The following EDA2R variants were observed in gnomAD, a reference collection of about 807,000 sequenced individuals.
EDA2R encodes the protein tumor necrosis factor receptor superfamily member 27.
Under a neutral mutation model 20.1 loss-of-function variants are expected in EDA2R, and 26 were observed. The ratio of observed to expected loss-of-function variants is 1.30; its 90% CI spans 0.95 to 1.80. The LOEUF (loss-of-function observed/expected upper bound fraction) is 1.80, where lower values mean the gene tolerates loss of function less well. EDA2R is among the 40% of genes most tolerant of loss of function. The pLI is 0.00. For missense variants in EDA2R, 277 were observed against 228.7 expected (o/e 1.21, Z -1.36); for synonymous variants, 114 against 88.7 (o/e 1.29, Z -1.60).
At chrX:66,613,893 G>A (rs983534335) in intron 2 of EDA2R, among the ~76,000 whole-genome samples, 3 of 111,356 alleles carry the variant, frequency 2.7e-5, no homozygotes, top group Non-Finnish European at 3.8e-5. Context: ...GCTATCAGAT[G>A]CTTCTAGCTG....
chrX:66,598,176 G>C (rs1293357732), intron 6 of EDA2R, 83 bp from the exon 7 acceptor site: 1 of 328,953 alleles, frequency 3.0e-6, no homozygotes, highest in Non-Finnish European at 4.9e-6. Context: ...AAATATCATA[G>C]GTTAAGCCAA....
At chrX:66,636,352 C>T (rs958950248) in intron 1 of EDA2R, among the ~76,000 whole-genome samples, 1 of 111,250 alleles carries the variant, frequency 9.0e-6, no homozygotes, top group Non-Finnish European at 1.9e-5. Context: ...TGACTTGATA[C>T]CATGCCAGAT....
chrX:66,625,459 A>G (rs1235470809), intron 1 of EDA2R, among the ~76,000 whole-genome samples: 1 of 109,930 alleles, frequency 9.1e-6, no homozygotes, highest in East Asian at 2.9e-4. Context: ...TAGGTACACA[A>G]CTCCATGGAT....
intron 1 of EDA2R, among the ~76,000 whole-genome samples, chrX:66,630,645 T>A (rs922018153): frequency 9.1e-6 from 1 of 110,203 alleles, no homozygotes; most frequent in Non-Finnish European, 1.9e-5. Context: ...ATTTAATACC[T>A]CCTCACTCTT....
In EDA2R at chrX:66,638,825, G is replaced by C. The variant is rs933523976; in HGVS notation, c.-11+170C>G. 2.7e-5 allele frequency among the ~76,000 whole-genome samples: 3 copies of C among 111,089 alleles called. No homozygotes were observed. The Admixed American group carries it at 2.9e-4, about 11-fold the overall frequency. ...CCAGATCCCTGATACCTCAGAAAGC[G>C]CTCTCCGGACACAAATGGATGGACT... On this transcript the variant is annotated intron_variant, in intron 1 of 6. Transcript: ENST00000374719.
At chrX:66,630,822 TACACACACACAC>T (rs768792873) in intron 1 of EDA2R, among the ~76,000 whole-genome samples, 1 of 93,694 alleles carries the variant, frequency 1.1e-5, no homozygotes, top group Non-Finnish European at 2.1e-5. Flanking sequence ...TATATATATA[TACACACACACAC>T]ACACACACAC....
chrX:66,632,934 T>C (rs943013589), intron 1 of EDA2R, among the ~76,000 whole-genome samples: 3 of 111,942 alleles, frequency 2.7e-5, no homozygotes, highest in Admixed American at 9.5e-5. Context: ...ATGTCAGGAA[T>C]AGTATATCAA....
At chrX:66,631,031 ACATG>A (rs1412164096) in intron 1 of EDA2R, among the ~76,000 whole-genome samples, 1 of 109,614 alleles carries the variant, frequency 9.1e-6, no homozygotes, top group African/African-American at 3.3e-5. Flanking sequence ...ATATACACAC[ACATG>A]TGTGTATATG....
intron 4 of EDA2R, among the ~76,000 whole-genome samples, chrX:66,603,076 C>A (rs774771700): frequency 4.5e-4 from 50 of 111,689 alleles, no homozygotes; most frequent in African/African-American, 1.6e-3. Flanking sequence ...TAATCCAGAT[C>A]AATGGAAACA....
intron 1 of EDA2R, among the ~76,000 whole-genome samples, chrX:66,632,033 G>GA (rs905332346): frequency 2.7e-4 from 30 of 109,712 alleles, no homozygotes; most frequent in East Asian, 1.7e-3. Context: ...ATGGAGCACT[G>GA]AAAAAAAAAT....
chrX:66,621,927 C>T (rs1932693965), intron 1 of EDA2R, among the ~76,000 whole-genome samples: 1 of 111,891 alleles, frequency 8.9e-6, no homozygotes, highest in African/African-American at 3.3e-5. Flanking sequence ...AAAGATGGTT[C>T]TTTAGCTTTA....
intron 5 of EDA2R, 38 bp from the exon 6 acceptor site, chrX:66,599,898 A>G: frequency 1.7e-6 from 2 of 1,185,227 alleles, no homozygotes; most frequent in Non-Finnish European, 2.3e-6. Flanking sequence ...GTTACCCAAA[A>G]GCAGGGGCTC....
chrX:66,638,690 A>G (rs961531052), intron 1 of EDA2R, among the ~76,000 whole-genome samples: 6 of 110,604 alleles, frequency 5.4e-5, no homozygotes, highest in Non-Finnish European at 1.1e-4. Context: ...TTTATCTCCC[A>G]ACCCTAGATG....
At chrX:66,599,429 T>G in intron 6 of EDA2R, 45 bp downstream of exon 6, 1 of 1,039,481 alleles carries the variant, frequency 9.6e-7, no homozygotes, top group Non-Finnish European at 1.2e-6. Flanking sequence ...CCTTAATTTC[T>G]GTTTTGCTTT....
At chrX:66,618,606 G>C (rs1185490623) in intron 1 of EDA2R, among the ~76,000 whole-genome samples, 1 of 112,010 alleles carries the variant, frequency 8.9e-6, no homozygotes, top group Non-Finnish European at 1.9e-5. Flanking sequence ...CCCAAGAGTA[G>C]AGACCACTGC....
Position 66,599,697 on chromosome X carries a change from G to A in EDA2R, c.681C>T (p.Gly227=), listed in dbSNP as rs1300834127. The stretch of plus-strand genomic sequence containing the variant: ...TGGTAAAGGACTCCTGTGTGGGGAA[G>A]CCACTAGTCGAGCTGCAGTCGTCCT... ...ILEDDCSSTS[G]FPTQESFTMA... Residue 227 remains glycine (G), a synonymous_variant, in exon 6 of 7, where the codon GGC becomes GGT. Transcript: ENST00000374719. 1.7e-6 allele frequency: 2 copies of A among 1,207,598 alleles called. No individual in the cohort carries two copies. The highest frequency in any genetic ancestry group is 3.5e-5 in the African/African-American group (2 of 57,063).
intron 3 of EDA2R, 57 bp from the exon 4 acceptor site, chrX:66,604,563 C>A (rs1929305836): frequency 9.3e-7 from 1 of 1,070,255 alleles, no homozygotes; most frequent in African/African-American, 1.8e-5. Flanking sequence ...GCACTTGGAC[C>A]AGTTCTTCCT....
chrX:66,620,848 G>T (rs1932474703), intron 1 of EDA2R, among the ~76,000 whole-genome samples: 1 of 105,589 alleles, frequency 9.5e-6, no homozygotes, highest in African/African-American at 3.4e-5. Context: ...AATTTGAATA[G>T]ATATCACTCT....
At chrX:66,632,416 A>G (rs1469749795) in intron 1 of EDA2R, among the ~76,000 whole-genome samples, 1 of 106,867 alleles carries the variant, frequency 9.4e-6, no homozygotes, top group Admixed American at 1.0e-4. Flanking sequence ...AGATTCTCAA[A>G]CAAAGAAGAA....
Sources: allele counts gnomAD v4.1 joint callset (sites outside exome capture counted in the v4.1 genomes callset), GRCh38; gene constraint gnomAD v4.1.1; transcripts MANE v1.5; gene names NCBI Gene and HGNC (gene_info 2026-07-23, HGNC 2026-07-21).